Variants in PUS7 observed in about 807,000 individuals in gnomAD.
PUS7 encodes the protein pseudouridine synthase 7, also known as pseudouridylate synthase 7 homolog.
Under a neutral mutation model 79.8 loss-of-function variants are expected in PUS7, and 48 were observed. The observed-to-expected ratio is 0.60, with a 90% CI of 0.48 to 0.76. The LOEUF is 0.76. PUS7 is among the 30% of genes least tolerant of loss of function. The pLI is 0.00. For synonymous variants in PUS7, 286 were observed against 272.2 expected (o/e 1.05, Z -0.50); for missense variants, 729 against 797.6 (o/e 0.91, Z 1.04).
At chr7:105,510,783 G>A (rs960786497) in intron 1 of PUS7, among the ~76,000 whole-genome samples, 1 of 152,074 alleles carries the variant, frequency 6.6e-6, no homozygotes, top group African/African-American at 2.4e-5. Flanking sequence ...CCAAAGTGCT[G>A]GGATTTCAGG....
chr7:105,490,111 TAAAA>T (rs148584351), intron 7 of PUS7, among the ~76,000 whole-genome samples: 1 of 94,710 alleles, frequency 1.1e-5, no homozygotes, highest in Non-Finnish European at 2.2e-5. Context: ...ACAGCAAGAC[TAAAA>T]AAAAAAAAAA....
chr7:105,491,440 T>C (rs1824775526), intron 7 of PUS7, 100 bp downstream of exon 7: 1 of 665,738 alleles, frequency 1.5e-6, no homozygotes, highest in Non-Finnish European at 2.4e-6. Context: ...AGAAGCACCA[T>C]CTAAAGCTGA....
chr7:105,495,617 C>T (rs1444883170), intron 5 of PUS7, among the ~76,000 whole-genome samples: 1 of 151,862 alleles, frequency 6.6e-6, no homozygotes, highest in South Asian at 2.1e-4. Context: ...TGGTGGTACA[C>T]GCCTGTGGTC....
intron 9 of PUS7, among the ~76,000 whole-genome samples, chr7:105,477,529 G>A (rs1298484500): frequency 6.6e-6 from 1 of 152,012 alleles, no homozygotes; most frequent in Non-Finnish European, 1.5e-5. Flanking sequence ...CTGGGATTAC[G>A]GGCGTGAGCC....
chr7:105,521,149 G>C (rs1371286344), intron 1 of PUS7, among the ~76,000 whole-genome samples: 1 of 124,520 alleles, frequency 8.0e-6, no homozygotes, highest in Non-Finnish European at 1.9e-5. Flanking sequence ...TGTACAGTCT[G>C]ATTTTCGACA....
chr7:105,469,178 T>C lies in PUS7; in HGVS notation c.1399-715A>G, dbSNP rs543925433. The stretch of plus-strand genomic sequence containing the variant: ...CCTCAGCCTCCCAAAGTGCTGGGAT[T>C]ACAGGCCTGAGCCACTGCACCCAGC... On this transcript the variant is annotated intron_variant, in intron 11 of 15. Transcript: ENST00000469408. 2.0e-5 allele frequency among the ~76,000 whole-genome samples: 3 copies of C among 152,324 alleles called. No individual in the cohort carries two copies. The South Asian group carries it at 6.2e-4, about 32-fold the overall frequency.
intron 1 of PUS7, among the ~76,000 whole-genome samples, chr7:105,520,108 G>T (rs1018559732): frequency 3.9e-5 from 6 of 152,188 alleles, no homozygotes; most frequent in African/African-American, 9.6e-5. Flanking sequence ...TGGATCACCT[G>T]AAGTCTGAAG....
At chr7:105,482,009 C>T (rs181937956) in intron 8 of PUS7, among the ~76,000 whole-genome samples, 3 of 152,276 alleles carry the variant, frequency 2.0e-5, no homozygotes, top group African/African-American at 7.2e-5. Flanking sequence ...GGATTACAGG[C>T]GTGAGCCACT....
intron 11 of PUS7, among the ~76,000 whole-genome samples, chr7:105,469,529 G>A (rs1823790591): frequency 6.6e-6 from 1 of 152,130 alleles, no homozygotes; most frequent in African/African-American, 2.4e-5. Context: ...GTGCCATCCC[G>A]GCTGAATGCA....
intron 1 of PUS7, among the ~76,000 whole-genome samples, chr7:105,515,932 C>A (rs1167247004): frequency 6.6e-6 from 1 of 152,006 alleles, no homozygotes; most frequent in African/African-American, 2.4e-5. Flanking sequence ...GCCTCAGCCT[C>A]CTGAGTAGCT....
chr7:105,477,016 T>C (rs540951536), intron 9 of PUS7, among the ~76,000 whole-genome samples: 1 of 152,194 alleles, frequency 6.6e-6, no homozygotes, highest in South Asian at 2.1e-4. Context: ...TTTTCTCCTA[T>C]TCTGTGGGTT....
chr7:105,499,018 T>A (rs1053232468), intron 5 of PUS7, among the ~76,000 whole-genome samples: 1 of 152,194 alleles, frequency 6.6e-6, no homozygotes, highest in East Asian at 1.9e-4. Context: ...TATGTTCGCT[T>A]CTTCTCCTCT....
intron 2 of PUS7, 150 bp downstream of exon 2, chr7:105,507,965 C>A: frequency 9.5e-7 from 1 of 1,051,942 alleles, no homozygotes; most frequent in Non-Finnish European, 1.3e-6. Context: ...GCTATTTATT[C>A]AGGCAGGTTT....
intron 9 of PUS7, among the ~76,000 whole-genome samples, chr7:105,478,572 TC>T (rs997740625): frequency 6.6e-6 from 1 of 152,186 alleles, no homozygotes; most frequent in African/African-American, 2.4e-5. Flanking sequence ...GTGATAAGCA[TC>T]TTTTTGTGTG....
intron 1 of PUS7, among the ~76,000 whole-genome samples, chr7:105,518,850 C>T (rs919299729): frequency 2.1e-4 from 31 of 150,866 alleles, no homozygotes; most frequent in African/African-American, 6.1e-4. Context: ...CTCACTGCAA[C>T]CTCTGCCTCC....
chr7:105,468,346 G>A lies in PUS7; in HGVS notation c.1516C>T (p.Leu506Phe), dbSNP rs376776893. 2 of 1,612,394 alleles carry A rather than the reference G, an allele frequency of 1.2e-6. No homozygotes were observed. Among genetic ancestry groups the A allele is most frequent in the Non-Finnish European group, 1.7e-6 (2 of 1,179,542 alleles). Residue 506 changes from leucine (L) to phenylalanine (F), a missense_variant, in exon 12 of 16, where the codon CTC (leucine) becomes TTC (phenylalanine). Physicochemically the swap from Leu to Phe is conservative, Grantham distance 22. Transcript: ENST00000469408. ...ACATCTGCCTTTTTACCTCCTTTGA[G>A]AACGAGGTCCCCTGGAACAGGTTTT... ...GLKPVPGDLV[L>F]KGATATYIEE... is the part of the protein sequence containing the mutation.
chr7:105,495,989 G>A (rs1277487304), intron 5 of PUS7, among the ~76,000 whole-genome samples: 3 of 151,492 alleles, frequency 2.0e-5, no homozygotes, highest in Admixed American at 6.6e-5. Context: ...GTGAAACCCC[G>A]TCTCTACTAA....
chr7:105,506,548 G>C (rs370529478), intron 2 of PUS7, among the ~76,000 whole-genome samples: 12 of 151,614 alleles, frequency 7.9e-5, no homozygotes, highest in Middle Eastern at 3.4e-3. Context: ...TCAGCCTCCC[G>C]AGTAGCTGGG....
At position 105,508,270 on chromosome 7, in the gene PUS7, C is replaced by T. The variant is rs933982904; in HGVS notation, c.243G>A (p.Glu81=). ...GKNSEAQLED[E]EEEEEDGLSE... is the part of the protein sequence containing the mutation. ...AAAGTCCATCTTCCTCCTCTTCTTC[C>T]TCATCTTCCAACTGAGCCTCAGAAT... Residue 81 remains glutamate (E), a synonymous_variant, in exon 2 of 16, where the codon GAG becomes GAA. Coordinates refer to ENST00000469408, the MANE Select transcript of PUS7 (RefSeq NM_019042.5). 5.0e-6 allele frequency: 8 copies of T among 1,614,134 alleles called. No individual in the cohort carries two copies. Among genetic ancestry groups the T allele is most frequent in the Non-Finnish European group, 6.8e-6 (8 of 1,180,004 alleles).
Sources: gnomAD v4.1 joint callset for allele counts (sites outside exome capture counted in the v4.1 genomes callset) on GRCh38, gnomAD v4.1.1 for gene constraint, MANE v1.5 for transcripts, NCBI Gene and HGNC (gene_info 2026-07-23, HGNC 2026-07-21) for gene names.